Variants in LARGE1 observed in about 807,000 individuals in gnomAD.
LARGE1 encodes the protein xylosyl- and glucuronyltransferase LARGE1.
Under a neutral mutation model 87.6 loss-of-function variants are expected in LARGE1, and 43 were observed. The observed-to-expected ratio is 0.49, with a 90% CI of 0.38 to 0.63. LARGE1 has a LOEUF of 0.63. Among genes scored for constraint, LARGE1 ranks in the 30% least tolerant of loss-of-function variants. The probability of loss-of-function intolerance (pLI) is 0.00; values close to 1 mark genes in which losing one functional copy is unlikely to be tolerated. For missense variants in LARGE1, 802 were observed against 1,000.2 expected (o/e 0.80, Z 2.67); for synonymous variants, 434 against 394.6 (o/e 1.10, Z -1.18).
At chr22:33,098,521 T>G in the LARGE1 span, among the ~76,000 whole-genome samples, 3 of 152,064 alleles carry the variant, frequency 2.0e-5, no homozygotes, top group Non-Finnish European at 4.4e-5. Context: ...CTCGGGAGGC[T>G]GAGGCAGGAG....
At chr22:33,153,809 T>C in the LARGE1 span, among the ~76,000 whole-genome samples, 1 of 152,242 alleles carries the variant, frequency 6.6e-6, no homozygotes, top group African/African-American at 2.4e-5. Context: ...TGCAGATATT[T>C]GGGTTTCTCT....
At chr22:33,709,591 T>C (rs1251504939) in intron 2 of LARGE1, among the ~76,000 whole-genome samples, 1 of 152,084 alleles carries the variant, frequency 6.6e-6, no homozygotes, top group Non-Finnish European at 1.5e-5. Context: ...GGCGTGGTTG[T>C]TTAGAGGTAC....
chr22:33,757,872 C>T (rs1034848783), intron 2 of LARGE1, among the ~76,000 whole-genome samples: 4 of 152,158 alleles, frequency 2.6e-5, no homozygotes, highest in Non-Finnish European at 5.9e-5. Context: ...TCTGTAGCAA[C>T]CAGCAGGGAG....
intron 5 of LARGE1, among the ~76,000 whole-genome samples, chr22:33,579,153 G>A (rs545844629): frequency 6.6e-6 from 1 of 152,176 alleles, no homozygotes; most frequent in African/African-American, 2.4e-5. Flanking sequence ...GGTGTTGTGG[G>A]AGGGACCTGG....
chr22:33,921,587 T>C (rs1212176578), upstream of LARGE1, among the ~76,000 whole-genome samples: 1 of 152,130 alleles, frequency 6.6e-6, no homozygotes, highest in Admixed American at 6.5e-5. The surrounding 1 kb of genome is among the most constrained non-coding windows in gnomAD (Gnocchi z 4.1). Flanking sequence ...TGACGGCATC[T>C]TTCTGGGATC....
At chr22:33,745,832 A>C (rs1362310873) in intron 2 of LARGE1, among the ~76,000 whole-genome samples, 1 of 152,188 alleles carries the variant, frequency 6.6e-6, no homozygotes, top group East Asian at 1.9e-4. Context: ...GACCTAGTAC[A>C]TTTCCTAGGA....
At chr22:33,271,285 T>G (rs1229071330), downstream of LARGE1, among the ~76,000 whole-genome samples, 1 of 152,216 alleles carries the variant, frequency 6.6e-6, no homozygotes, top group Non-Finnish European at 1.5e-5. Flanking sequence ...TGCCTTTGGA[T>G]TCAAAGAAGT....
At chr22:33,578,267 G>T (rs1338079233) in intron 5 of LARGE1, among the ~76,000 whole-genome samples, 1 of 152,126 alleles carries the variant, frequency 6.6e-6, no homozygotes, top group Non-Finnish European at 1.5e-5. Flanking sequence ...ATAGAAGACG[G>T]TACAAGGTAC....
At chr22:33,783,351 G>A (rs534647703) in intron 1 of LARGE1, among the ~76,000 whole-genome samples, 111 of 152,264 alleles carry the variant, frequency 7.3e-4, no homozygotes, top group Non-Finnish European at 1.3e-3. Context: ...GATCACCTGA[G>A]GTCAGGAGTT....
chr22:33,548,098 G>T (rs1021349326), intron 6 of LARGE1, among the ~76,000 whole-genome samples: 2 of 152,170 alleles, frequency 1.3e-5, no homozygotes, highest in Non-Finnish European at 2.9e-5. Context: ...GATCCCCAGC[G>T]TTGGAGGTAG....
Position 33,665,816 on chromosome 22 carries a change from C to G in LARGE1, c.107-15148G>C, listed in dbSNP as rs548875448. Among the ~76,000 whole-genome samples the G allele has an allele frequency of 3.3e-5, 5 of 152,070 alleles. No homozygotes were observed. The South Asian group carries it at 1.0e-3, about 32-fold the overall frequency. ...CTGAGGCAGGAGAATGGTGTGAACC[C>G]AGGAGGCGGAGCTTGCAGTGAGCCG... On this transcript the variant is annotated intron_variant, in intron 2 of 14. Coordinates refer to ENST00000397394, the MANE Select transcript of LARGE1 (RefSeq NM_133642.5).
chr22:33,277,841 T>C (rs769873634), intron 13 of LARGE1, among the ~76,000 whole-genome samples: 3 of 152,216 alleles, frequency 2.0e-5, no homozygotes, highest in Non-Finnish European at 4.4e-5. Flanking sequence ...ATTCTCACTA[T>C]GAAAAGGAAC....
In LARGE1 at chr22:33,640,755, G is replaced by A. The variant is rs529068510; in HGVS notation, c.408+9612C>T. On this transcript the variant is annotated intron_variant, in intron 3 of 14. Transcript: ENST00000397394. ...ATGATTGAGCTTGGTGGAGAAAGGGGCGTCCACCATACTGAGGCCTGAGTA... is the reference window on the plus strand; with the variant it reads ...ATGATTGAGCTTGGTGGAGAAAGGGACGTCCACCATACTGAGGCCTGAGTA... 2.6e-5 allele frequency among the ~76,000 whole-genome samples: 4 copies of A among 152,248 alleles called. No homozygotes were observed. The South Asian group carries it at 8.3e-4, about 32-fold the overall frequency.
At chr22:33,094,156 T>C in the LARGE1 span, among the ~76,000 whole-genome samples, 1 of 152,122 alleles carries the variant, frequency 6.6e-6, no homozygotes, top group Non-Finnish European at 1.5e-5. Context: ...CACCATTCTT[T>C]CAGGGTTATC....
chr22:33,235,619 A>G (rs1233104675), intron 11 of LARGE1, among the ~76,000 whole-genome samples: 2 of 152,150 alleles, frequency 1.3e-5, no homozygotes, highest in Non-Finnish European at 2.9e-5. Context: ...GCTTAACTGA[A>G]GCTCCATCTG....
intron 1 of LARGE1, among the ~76,000 whole-genome samples, chr22:33,899,461 T>C (rs1424727478): frequency 6.6e-6 from 1 of 152,112 alleles, no homozygotes; most frequent in Non-Finnish European, 1.5e-5. Context: ...GAGTTATACA[T>C]ATGGTAGTTT....
chr22:33,707,460 A>C (rs1442705244), intron 2 of LARGE1, among the ~76,000 whole-genome samples: 1 of 152,208 alleles, frequency 6.6e-6, no homozygotes, highest in Non-Finnish European at 1.5e-5. Context: ...AGGTTCCTAA[A>C]ATCCTATAGA....
At position 33,523,410 on chromosome 22, in the gene LARGE1, C is replaced by G. The variant is rs1017575877; in HGVS notation, c.787+41438G>C. On this transcript the variant is annotated intron_variant, in intron 6 of 14. Coordinates refer to ENST00000397394, the MANE Select transcript of LARGE1 (RefSeq NM_133642.5). ...AAACCAACAACCTGCATTTCCTCCT[C>G]TGTGAACTGTGTGTTGATACTCTGT... is the stretch of plus-strand genomic sequence containing the variant. Among the ~76,000 whole-genome samples, 70 of 152,168 alleles carry G rather than the reference C, an allele frequency of 4.6e-4. 2 individuals carry two copies. Among genetic ancestry groups the G allele is most frequent in the Non-Finnish European group, 2.9e-5 (2 of 68,038 alleles).
intron 1 of LARGE1, among the ~76,000 whole-genome samples, chr22:33,780,801 T>C (rs967507776): frequency 1.3e-5 from 2 of 152,254 alleles, no homozygotes; most frequent in Non-Finnish European, 2.9e-5. Context: ...CTAATGTTCT[T>C]GCAGCCTTCA....
Sources: gnomAD v4.1 joint callset for allele counts (sites outside exome capture counted in the v4.1 genomes callset) on GRCh38, gnomAD v4.1.1 for gene constraint, Gnocchi (gnomAD v3.1) non-coding constraint, MANE v1.5 for transcripts, NCBI Gene and HGNC (gene_info 2026-07-23, HGNC 2026-07-21) for gene names.